SPATA31H1: variants seen among roughly 807,000 people sequenced by gnomAD.
The protein encoded by SPATA31H1 is SPATA31 subfamily H member 1.
At chr2:27,550,449 C>T in the SPATA31H1 span, among the ~76,000 whole-genome samples, 1 of 125,662 alleles carries the variant, frequency 8.0e-6, no homozygotes, top group African/African-American at 3.1e-5. Flanking sequence ...GACAGAGTCT[C>T]ACTCTATTGC....
At chr2:27,574,039 T>C in the SPATA31H1 span, 2 of 398,290 alleles carry the variant, frequency 5.0e-6, no homozygotes, top group Non-Finnish European at 8.9e-6. Flanking sequence ...AGTTCACAAT[T>C]GAAAGATATC....
chr2:27,572,530 T>G, the SPATA31H1 span: 3 of 398,414 alleles, frequency 7.5e-6, no homozygotes, highest in Non-Finnish European at 1.3e-5. Context: ...GGGCCACAGT[T>G]GCAGTGTGTA....
At chr2:27,549,967 T>C in the SPATA31H1 span, among the ~76,000 whole-genome samples, 3 of 152,026 alleles carry the variant, frequency 2.0e-5, no homozygotes, top group Non-Finnish European at 2.9e-5. Context: ...TTAAATGTCA[T>C]TTTCTAAATG....
At chr2:27,580,867 C>T in the SPATA31H1 span, 52 of 1,614,028 alleles carry the variant, frequency 3.2e-5, no homozygotes, top group East Asian at 2.2e-4. Flanking sequence ...TGGGGAGGAA[C>T]GGTCCAGTGC....
chr2:27,550,701 G>A, the SPATA31H1 span, among the ~76,000 whole-genome samples: 2 of 151,810 alleles, frequency 1.3e-5, no homozygotes, highest in African/African-American at 4.9e-5. Context: ...TTATAAGCAT[G>A]AGTCACTGCG....
the SPATA31H1 span, chr2:27,580,186 C>A: frequency 3.1e-6 from 5 of 1,614,180 alleles, no homozygotes; most frequent in Non-Finnish European, 8.5e-7. Context: ...AAAATCTATA[C>A]TCAAGCTTCC....
chr2:27,572,391 C>T, the SPATA31H1 span: 1 of 398,338 alleles, frequency 2.5e-6, no homozygotes, highest in Non-Finnish European at 4.4e-6. Context: ...AGGGTTAAAT[C>T]TTGGGTCACA....
chr2:27,554,759 G>A, the SPATA31H1 span, among the ~76,000 whole-genome samples: 2 of 151,802 alleles, frequency 1.3e-5, 1 homozygote, highest in African/African-American at 4.9e-5. Context: ...TTTTTAGTAG[G>A]GACAGGGTTT....
chr2:27,544,529 A>ATTTT, the SPATA31H1 span, among the ~76,000 whole-genome samples: 16 of 125,104 alleles, frequency 1.3e-4, 1 homozygote, highest in Admixed American at 2.8e-4. Context: ...GTTGACAACA[A>ATTTT]TTTTTTTTTT....
the SPATA31H1 span, chr2:27,571,232 G>A: frequency 2.5e-6 from 1 of 398,444 alleles, no homozygotes; most frequent in Non-Finnish European, 4.4e-6. Flanking sequence ...AACTTGAGGA[G>A]GTAACCCCGG....
the SPATA31H1 span, chr2:27,582,283 C>T: frequency 3.7e-6 from 6 of 1,613,956 alleles, no homozygotes; most frequent in Non-Finnish European, 4.2e-6. Flanking sequence ...CATCGCAGTT[C>T]CTGTGAGAGA....
the SPATA31H1 span, chr2:27,576,272 T>TGTAA: frequency 2.3e-6 from 1 of 428,436 alleles, no homozygotes; most frequent in Non-Finnish European, 4.1e-6. Flanking sequence ...ATTTACAAGA[T>TGTAA]GTAAAATGTG....
the SPATA31H1 span, chr2:27,576,066 C>T: frequency 2.5e-6 from 1 of 399,532 alleles, no homozygotes; most frequent in East Asian, 3.6e-5. Context: ...CCCTGGGCCA[C>T]AGGTGCAGTA....
At chr2:27,582,285 T>C in the SPATA31H1 span, 2 of 1,613,940 alleles carry the variant, frequency 1.2e-6, no homozygotes, top group South Asian at 2.2e-5. Flanking sequence ...TCGCAGTTCC[T>C]GTGAGAGAAC....
the SPATA31H1 span, among the ~76,000 whole-genome samples, chr2:27,553,705 T>A: frequency 6.6e-6 from 1 of 152,022 alleles, no homozygotes; most frequent in East Asian, 1.9e-4. Context: ...GCAGATCACC[T>A]GAGGTCAGGA....
chr2:27,571,308 T>C, the SPATA31H1 span: 1 of 398,396 alleles, frequency 2.5e-6, no homozygotes, highest in East Asian at 3.6e-5. Context: ...ATCTGTGACC[T>C]TAACTCCAGG....
chr2:27,571,985 G>C, the SPATA31H1 span: 1 of 398,506 alleles, frequency 2.5e-6, no homozygotes, highest in Non-Finnish European at 4.4e-6. Context: ...CACAAGAGCA[G>C]CAATGTGTGA....
the SPATA31H1 span, among the ~76,000 whole-genome samples, chr2:27,545,335 G>A: frequency 3.3e-5 from 5 of 151,632 alleles, no homozygotes; most frequent in Non-Finnish European, 7.4e-5. Context: ...TTTATTTTTT[G>A]TGGTTAAAAA....
At chr2:27,537,762 G>A in the SPATA31H1 span, among the ~76,000 whole-genome samples, 17 of 152,204 alleles carry the variant, frequency 1.1e-4, no homozygotes, top group African/African-American at 3.4e-4. Context: ...AGAGACTATC[G>A]CCATTCTCTA....
Sources: allele counts gnomAD v4.1 joint callset (sites outside exome capture counted in the v4.1 genomes callset), GRCh38; gene constraint gnomAD v4.1.1; transcripts MANE v1.5; gene names NCBI Gene and HGNC (gene_info 2026-07-23, HGNC 2026-07-21).